The following LPP variants were observed in gnomAD, a reference collection of about 807,000 sequenced individuals.
The protein encoded by LPP is lipoma-preferred partner.
LPP carries 38 observed loss-of-function variants against 60.4 expected under a neutral mutation model. The ratio of observed to expected loss-of-function variants is 0.63; its 90% CI spans 0.49 to 0.83. The LOEUF (loss-of-function observed/expected upper bound fraction) is 0.83, where lower values mean the gene tolerates loss of function less well. Ranked by LOEUF, LPP falls within the 40% of genes least tolerant of loss-of-function variation. The pLI, the probability that LPP is intolerant of heterozygous loss-of-function variation, is 0.00. For synonymous variants in LPP, 328 were observed against 290.8 expected (o/e 1.13, Z -1.30); for missense variants, 902 against 783.6 (o/e 1.15, Z -1.80).
intron 11 of LPP, among the ~76,000 whole-genome samples, chr3:188,873,695 C>G (rs1396622134): frequency 6.6e-6 from 1 of 152,076 alleles, no homozygotes. Flanking sequence ...TTGAGGCAGA[C>G]TGTAGCAAAA....
At chr3:188,642,159 C>T (rs1850275143) in intron 7 of LPP, among the ~76,000 whole-genome samples, 1 of 152,066 alleles carries the variant, frequency 6.6e-6, no homozygotes, top group Admixed American at 6.6e-5. Context: ...AAGTTAAACC[C>T]TGAGGTTTAT....
intron 2 of LPP, among the ~76,000 whole-genome samples, chr3:188,259,256 A>G (rs1293560710): frequency 1.3e-5 from 2 of 152,194 alleles, no homozygotes; most frequent in East Asian, 3.8e-4. Flanking sequence ...GTGCATCCAG[A>G]GACATTTGCC....
chr3:188,423,526 C>T (rs753745609), intron 4 of LPP, among the ~76,000 whole-genome samples: 2 of 152,332 alleles, frequency 1.3e-5, no homozygotes, highest in South Asian at 2.1e-4. Flanking sequence ...GCCACACTCT[C>T]GTCCACAATG....
At position 188,866,199 on chromosome 3, in the gene LPP, G is replaced by A; in HGVS notation, c.1411-1G>A. On this transcript the variant is annotated splice_acceptor_variant, in intron 9 of 11. Coordinates refer to ENST00000617246, the MANE Select transcript of LPP (RefSeq NM_001375462.1). LOFTEE classifies it high-confidence loss of function. Reference sequence around the variant, plus strand: ...GACGTGGTTTCTGTTTCCTTCCCCAGAATACTCTGGAGCAGTGCAATGTGT... The same window carrying A: ...GACGTGGTTTCTGTTTCCTTCCCCAAAATACTCTGGAGCAGTGCAATGTGT... The A allele has an allele frequency of 6.8e-7, 1 of 1,463,326 alleles. No individual in the cohort carries two copies. The highest frequency in any genetic ancestry group is 1.5e-5 in the South Asian group (1 of 68,118). The allele number at this position is 1,463,326 out of a possible 1,614,324, so 90.6% of individuals were successfully genotyped here.
At chr3:188,602,728 T>TAAA (rs113585439) in intron 6 of LPP, among the ~76,000 whole-genome samples, 5 of 141,968 alleles carry the variant, frequency 3.5e-5, no homozygotes, top group South Asian at 2.2e-4. Flanking sequence ...GATTATTTAT[T>TAAA]AAAAAAAAAA....
Position 188,884,418 on chromosome 3 carries a change from G to A in LPP, c.*9939G>A, listed in dbSNP as rs1770425938. 1 of 229,990 alleles carries A rather than the reference G, an allele frequency of 4.3e-6. No homozygotes were observed. Among genetic ancestry groups the A allele is most frequent in the Admixed American group, 5.7e-5 (1 of 17,666 alleles). The allele number at this position is 229,990 out of a possible 1,614,324, so 14.2% of individuals were successfully genotyped here. On this transcript the variant is annotated 3_prime_UTR_variant, in exon 12 of 12. Coordinates refer to ENST00000617246, the MANE Select transcript of LPP (RefSeq NM_001375462.1). ...ACTGCCAGGTGGCAAATCCACATGT[G>A]TACTGCGGTCTTTAGAGATCATTTA...
chr3:188,691,382 T>G (rs908632982), intron 7 of LPP, among the ~76,000 whole-genome samples: 1 of 152,188 alleles, frequency 6.6e-6, no homozygotes, highest in Non-Finnish European at 1.5e-5. Context: ...TAGCACTGAA[T>G]GAGGGCAATA....
At chr3:188,327,362 A>C (rs1383892664) in intron 2 of LPP, among the ~76,000 whole-genome samples, 1 of 152,190 alleles carries the variant, frequency 6.6e-6, no homozygotes, top group East Asian at 1.9e-4. Context: ...AACAGTTTGT[A>C]GGATTTATGG....
At chr3:188,325,548 A>G (rs1758196349) in intron 2 of LPP, among the ~76,000 whole-genome samples, 1 of 152,182 alleles carries the variant, frequency 6.6e-6, no homozygotes, top group Admixed American at 6.5e-5. Context: ...CAAAGCATGT[A>G]TGGTTCTCTA....
chr3:188,344,291 A>T (rs990330908), intron 3 of LPP, among the ~76,000 whole-genome samples: 1 of 152,220 alleles, frequency 6.6e-6, no homozygotes, highest in Non-Finnish European at 1.5e-5. Context: ...AATAAAATTA[A>T]TCAGTTACCG....
At chr3:188,269,600 C>T (rs1369584587) in intron 2 of LPP, among the ~76,000 whole-genome samples, 2 of 149,292 alleles carry the variant, frequency 1.3e-5, no homozygotes, top group Non-Finnish European at 3.0e-5. Context: ...AAGAAAGATG[C>T]CTAACACATG....
intron 6 of LPP, among the ~76,000 whole-genome samples, chr3:188,578,171 A>G (rs1835205189): frequency 6.6e-6 from 1 of 151,948 alleles, no homozygotes; most frequent in African/African-American, 2.4e-5. Context: ...TACACATAAG[A>G]CTGGTGGTTG....
At chr3:188,869,432 G>A (rs572625365) in intron 10 of LPP, among the ~76,000 whole-genome samples, 77 of 152,016 alleles carry the variant, frequency 5.1e-4, no homozygotes, top group Non-Finnish European at 8.5e-4. Flanking sequence ...CTTGGATTAC[G>A]GGCACCCACC....
intron 8 of LPP, among the ~76,000 whole-genome samples, chr3:188,731,276 G>A (rs1394792786): frequency 5.3e-5 from 8 of 152,108 alleles, no homozygotes; most frequent in Admixed American, 3.9e-4. Context: ...TAATCTTGGG[G>A]TAAAGGAAAG....
intron 4 of LPP, among the ~76,000 whole-genome samples, chr3:188,478,336 T>G (rs1405421243): frequency 1.3e-5 from 2 of 152,226 alleles, no homozygotes; most frequent in African/African-American, 4.8e-5. Context: ...CACAGTCAAT[T>G]TAGTGGGTCA....
At chr3:188,569,129 G>A (rs1832902286) in intron 6 of LPP, 1 of 148,538 alleles carries the variant, frequency 6.7e-6, no homozygotes, top group South Asian at 2.2e-4. Context: ...GGAAAATGGA[G>A]TAAGTGGCAC....
At chr3:188,538,901 A>G (rs778568548) in intron 6 of LPP, among the ~76,000 whole-genome samples, 1 of 152,178 alleles carries the variant, frequency 6.6e-6, no homozygotes, top group African/African-American at 2.4e-5. Context: ...CCTGGGAAAC[A>G]TTATGCTATA....
chr3:188,714,007 T>A (rs2149772284), intron 8 of LPP, among the ~76,000 whole-genome samples: 1 of 152,306 alleles, frequency 6.6e-6, no homozygotes, highest in African/African-American at 2.4e-5. Context: ...GAGCTCCATA[T>A]GTTTAAAAAA....
In LPP at chr3:188,560,125, T is replaced by G. The variant is rs549642632; in HGVS notation, c.429+35338T>G. Among the ~76,000 whole-genome samples, 9 of 152,238 alleles carry G rather than the reference T, an allele frequency of 5.9e-5. No homozygotes were observed. The East Asian group carries it at 1.7e-3, about 30-fold the overall frequency. On this transcript the variant is annotated intron_variant, in intron 6 of 11. Transcript: ENST00000617246. ...AGAGAGGAATAATTATATTTACTTT[T>G]TGACATGGCTAGAATAATTACAGAG...
Sources: gnomAD v4.1 joint callset for allele counts (sites outside exome capture counted in the v4.1 genomes callset) on GRCh38, gnomAD v4.1.1 for gene constraint, MANE v1.5 for transcripts, NCBI Gene and HGNC (gene_info 2026-07-23, HGNC 2026-07-21) for gene names.